SATB2: variants seen among roughly 807,000 people sequenced by gnomAD.
SATB2 encodes DNA-binding protein SATB2.
In SATB2, 1 loss-of-function variant was observed where a neutral mutation model predicts 73.4. The observed-to-expected ratio is 0.01, with a 90% CI of 0.00 to 0.06. SATB2 has a LOEUF of 0.06. Among genes scored for constraint, SATB2 ranks in the 10% least tolerant of loss-of-function variants. SATB2 has a pLI of 1.00. For synonymous variants in SATB2, 397 were observed against 367.0 expected (o/e 1.08, Z -0.93); for missense variants, 459 against 945.8 (o/e 0.49, Z 6.75).
chr2:199,343,465 T>A (rs1177387955), intron 7 of SATB2, among the ~76,000 whole-genome samples: 1 of 152,180 alleles, frequency 6.6e-6, no homozygotes, highest in African/African-American at 2.4e-5. Flanking sequence ...GTTTGGAAAA[T>A]CTATGGTTGG....
At chr2:199,414,056 A>G (rs1690901640) in intron 3 of SATB2, among the ~76,000 whole-genome samples, 1 of 152,234 alleles carries the variant, frequency 6.6e-6, no homozygotes, top group South Asian at 2.1e-4. Context: ...CTCAAGCAGG[A>G]GACCACTAAA....
chr2:199,282,588 G>A (rs1333078834), intron 10 of SATB2, among the ~76,000 whole-genome samples: 4 of 152,182 alleles, frequency 2.6e-5, no homozygotes, highest in African/African-American at 9.7e-5. Flanking sequence ...GTAGTGTTAG[G>A]AGGGAAAGTG....
intron 3 of SATB2, among the ~76,000 whole-genome samples, chr2:199,405,707 G>A (rs1200888862): frequency 6.6e-6 from 1 of 151,664 alleles, no homozygotes; most frequent in East Asian, 1.9e-4. Flanking sequence ...ACATGTCCTA[G>A]AAATATTTCA....
intron 2 of SATB2, among the ~76,000 whole-genome samples, chr2:199,446,903 T>C (rs1211967468): frequency 6.6e-6 from 1 of 152,150 alleles, no homozygotes; most frequent in Non-Finnish European, 1.5e-5. Context: ...GGTTTTTAAA[T>C]ATTAAATCCA....
rs113607086 is a variant in SATB2 at position 199,291,910 on chromosome 2, C to CA, written c.1740+16849dup. Reference sequence around the variant, plus strand: ...TGGGGGACACAGCAAGACTCTGTCTCAAAAAAAAAATAAATAAAAATAAAA... The same window carrying CA: ...TGGGGGACACAGCAAGACTCTGTCTCAAAAAAAAAAATAAATAAAAATAAAA... On this transcript the variant is annotated intron_variant, in intron 10 of 10. Transcript: ENST00000417098. 5.0e-3 allele frequency among the ~76,000 whole-genome samples: 713 copies of CA among 143,754 alleles called. 5 individuals carry two copies. The highest frequency in any genetic ancestry group is 6.7e-3 in the Non-Finnish European group (439 of 65,800). 94.3% of individuals were successfully genotyped at this position (143,754 alleles called of 152,430 possible).
intron 3 of SATB2, among the ~76,000 whole-genome samples, chr2:199,384,011 T>A (rs1689856524): frequency 6.6e-6 from 1 of 152,234 alleles, no homozygotes; most frequent in Non-Finnish European, 1.5e-5. Flanking sequence ...GATCACTTAA[T>A]ATGCATACAT....
At chr2:199,426,543 C>T (rs753805532) in intron 3 of SATB2, among the ~76,000 whole-genome samples, 25 of 151,978 alleles carry the variant, frequency 1.6e-4, no homozygotes, top group South Asian at 4.2e-4. Context: ...GTGCTCCACC[C>T]GCCTTGGCCT....
chr2:199,350,580 C>T (rs1323827510), intron 6 of SATB2, among the ~76,000 whole-genome samples: 1 of 152,152 alleles, frequency 6.6e-6, no homozygotes, highest in Non-Finnish European at 1.5e-5. Flanking sequence ...TAAATTAATA[C>T]ATTAAAATGT....
intron 10 of SATB2, among the ~76,000 whole-genome samples, chr2:199,303,624 A>G (rs1446447383): frequency 6.6e-6 from 1 of 152,148 alleles, no homozygotes; most frequent in African/African-American, 2.4e-5. Context: ...TATCCACTAG[A>G]TGCCAGTAGC....
intron 10 of SATB2, among the ~76,000 whole-genome samples, chr2:199,305,428 C>A (rs1407929352): frequency 1.3e-5 from 2 of 152,138 alleles, no homozygotes; most frequent in Non-Finnish European, 1.5e-5. Flanking sequence ...GATGAAATAT[C>A]TGTACAACAG....
chr2:199,285,017 G>C (rs1017922504), intron 10 of SATB2, among the ~76,000 whole-genome samples: 1 of 152,074 alleles, frequency 6.6e-6, no homozygotes. Context: ...TTATCTGCAA[G>C]AAGTTCTGGA....
chr2:199,429,245 G>A (rs1303141515), intron 3 of SATB2, among the ~76,000 whole-genome samples: 1 of 151,944 alleles, frequency 6.6e-6, no homozygotes, highest in African/African-American at 2.4e-5. Flanking sequence ...TTTATTCAAA[G>A]AATTCATGAA....
chr2:199,322,228 A>AT (rs1199354290), intron 9 of SATB2, among the ~76,000 whole-genome samples: 1 of 152,226 alleles, frequency 6.6e-6, no homozygotes, highest in Non-Finnish European at 1.5e-5. Flanking sequence ...TGATATTTAC[A>AT]TCAAGTCACA....
intron 5 of SATB2, among the ~76,000 whole-genome samples, chr2:199,377,938 T>C (rs1240273832): frequency 2.0e-5 from 3 of 151,326 alleles, no homozygotes; most frequent in Non-Finnish European, 4.4e-5. Context: ...GAGCAGAGAG[T>C]GGAAGGGGAA....
At chr2:199,310,566 T>C (rs949803410) in intron 9 of SATB2, among the ~76,000 whole-genome samples, 1 of 152,168 alleles carries the variant, frequency 6.6e-6, no homozygotes, top group African/African-American at 2.4e-5. Context: ...TTGCATAAAG[T>C]AAAAGAATTC....
chr2:199,338,489 T>C (rs1381320165), intron 7 of SATB2, among the ~76,000 whole-genome samples: 1 of 152,146 alleles, frequency 6.6e-6, no homozygotes, highest in Non-Finnish European at 1.5e-5. Flanking sequence ...AATCATTCCC[T>C]GTTAGAGAAT....
chr2:199,348,239 A>C (rs937975059), intron 7 of SATB2: 1 of 152,422 alleles, frequency 6.6e-6, no homozygotes, highest in Non-Finnish European at 1.5e-5. Context: ...TTTTTAAATA[A>C]AACTTTACTT....
rs78339604 is a variant in SATB2 at position 199,275,724 on chromosome 2, T to C, written c.1741-3052A>G. On this transcript the variant is annotated intron_variant, in intron 10 of 10. Coordinates refer to ENST00000417098, the MANE Select transcript of SATB2 (RefSeq NM_001172509.2). ...TAGTTTCTGGTCAGACAATGTACCA[T>C]AGTGGGTTGGGCACCATGATGACAT... Among the ~76,000 whole-genome samples the C allele has an allele frequency of 9.7e-3, 1,479 of 152,252 alleles. 29 individuals carry two copies. Among genetic ancestry groups the C allele is most frequent in the African/African-American group, 0.034 (1,417 of 41,560 alleles).
chr2:199,424,949 T>C (rs1691282915), intron 3 of SATB2, among the ~76,000 whole-genome samples: 1 of 152,226 alleles, frequency 6.6e-6, no homozygotes, highest in African/African-American at 2.4e-5. Context: ...AATGTGTTTT[T>C]TACCAAATGA....
Sources: allele counts gnomAD v4.1 joint callset (sites outside exome capture counted in the v4.1 genomes callset), GRCh38; gene constraint gnomAD v4.1.1; transcripts MANE v1.5; gene names NCBI Gene and HGNC (gene_info 2026-07-23, HGNC 2026-07-21).